PAPPA2: variants seen among roughly 807,000 people sequenced by gnomAD.
PAPPA2 encodes pappalysin 2, also known as pappalysin-2.
In PAPPA2, 86 loss-of-function variants were observed where a neutral mutation model predicts 176.4. That is an observed-to-expected ratio of 0.49 (90% CI 0.41 to 0.58). The LOEUF (loss-of-function observed/expected upper bound fraction) is 0.58, where lower values mean the gene tolerates loss of function less well. Among genes scored for constraint, PAPPA2 ranks in the 20% least tolerant of loss-of-function variants. The pLI is 0.00. For missense variants in PAPPA2, 2,073 were observed against 2,256.9 expected (o/e 0.92, Z 1.65); for synonymous variants, 809 against 852.2 (o/e 0.95, Z 0.88).
intron 2 of PAPPA2, among the ~76,000 whole-genome samples, chr1:176,569,055 T>C (rs1274210641): frequency 6.6e-6 from 1 of 152,210 alleles, no homozygotes; most frequent in Non-Finnish European, 1.5e-5. Context: ...TGCATACTCA[T>C]GTGTACACAT....
intron 2 of PAPPA2, among the ~76,000 whole-genome samples, chr1:176,577,717 C>T (rs978132103): frequency 4.6e-5 from 7 of 151,828 alleles, no homozygotes; most frequent in Admixed American, 3.3e-4. Context: ...TCTGGGGGGT[C>T]GGGGTGTTGG....
intron 14 of PAPPA2, among the ~76,000 whole-genome samples, chr1:176,742,949 ACT>A (rs1276001090): frequency 6.6e-6 from 1 of 152,096 alleles, no homozygotes; most frequent in East Asian, 1.9e-4. Flanking sequence ...CTCCTGCAAC[ACT>A]ACACTTTAAA....
intron 12 of PAPPA2, among the ~76,000 whole-genome samples, chr1:176,716,602 C>CT (rs71299410): frequency 0.031 from 3,549 of 114,808 alleles, 136 homozygotes; most frequent in African/African-American, 0.081. Context: ...TTCCTTCCTT[C>CT]TTTTTTTTTT....
chr1:176,755,386 C>G (rs1558563409), intron 14 of PAPPA2, among the ~76,000 whole-genome samples: 2 of 152,294 alleles, frequency 1.3e-5, no homozygotes, highest in Middle Eastern at 3.4e-3. Flanking sequence ...CCAGGCTACC[C>G]TGTCTTCATG....
chr1:176,676,188 A>G (rs1429810273), intron 4 of PAPPA2, among the ~76,000 whole-genome samples: 1 of 152,068 alleles, frequency 6.6e-6, no homozygotes, highest in Non-Finnish European at 1.5e-5. Context: ...ATAAAACTAA[A>G]CATACACTTG....
chr1:176,600,879 T>G (rs1654282637), intron 3 of PAPPA2, among the ~76,000 whole-genome samples: 1 of 152,110 alleles, frequency 6.6e-6, no homozygotes, highest in South Asian at 2.1e-4. Flanking sequence ...GACCTACAAA[T>G]AGATCACTAA....
intron 21 of PAPPA2, among the ~76,000 whole-genome samples, chr1:176,801,950 G>A (rs1665701029): frequency 6.6e-6 from 1 of 152,110 alleles, no homozygotes; most frequent in South Asian, 2.1e-4. Context: ...AAAGCTCCAT[G>A]TCTCCTCTGC....
At position 176,690,461 on chromosome 1, in the gene PAPPA2, T is replaced by C. The variant is rs1208023230; in HGVS notation, c.2431+31T>C. On this transcript the variant is annotated intron_variant, in intron 5 of 22. Coordinates refer to ENST00000367662, the MANE Select transcript of PAPPA2 (RefSeq NM_020318.3). ...ACCACTGTCTTGTTTTGTTTTCTGT[T>C]AAGAATACATGGGGGCCTTTGAGAG... is the stretch of plus-strand genomic sequence containing the variant. 3.1e-6 allele frequency: 5 copies of C among 1,602,200 alleles called. No individual in the cohort carries two copies. In the South Asian group the frequency reaches 5.5e-5, roughly 18 times the overall value.
In PAPPA2 at chr1:176,595,547, A is replaced by C; in HGVS notation, c.1943A>C (p.Gln648Pro). 1.9e-6 allele frequency: 3 copies of C among 1,614,088 alleles called. No homozygotes were observed. Among genetic ancestry groups the C allele is most frequent in the Non-Finnish European group, 2.5e-6 (3 of 1,180,004 alleles). ...DFDDGDCCDP[Q>P]VADVRKTCFD... is the part of the protein sequence containing the mutation. The stretch of plus-strand genomic sequence containing the variant: ...GACGACGGAGACTGCTGCGACCCCC[A>C]GGTGGCTGATGTGCGCAAGACCTGC... Residue 648 changes from glutamine to proline, a missense_variant, in exon 3 of 23, where the codon CAG (glutamine) becomes CCG (proline). Around this residue, in one of 4 missense-constraint regions of PAPPA2, gnomAD observed 1,196 missense variants for 1,330.4 expected, o/e 0.90. Coordinates refer to ENST00000367662, the MANE Select transcript of PAPPA2 (RefSeq NM_020318.3).
intron 3 of PAPPA2, among the ~76,000 whole-genome samples, chr1:176,606,007 A>G (rs565707196): frequency 1.3e-5 from 2 of 152,102 alleles, no homozygotes; most frequent in African/African-American, 4.8e-5. Flanking sequence ...TTCAAACTCA[A>G]ATATGCTAGG....
intron 1 of PAPPA2, among the ~76,000 whole-genome samples, chr1:176,521,317 A>G (rs1649205245): frequency 6.6e-6 from 1 of 152,104 alleles, no homozygotes; most frequent in South Asian, 2.1e-4. Context: ...TTCTGCTTTC[A>G]CCTTTCATGG....
At chr1:176,618,205 T>G (rs1655381601) in intron 3 of PAPPA2, among the ~76,000 whole-genome samples, 1 of 152,192 alleles carries the variant, frequency 6.6e-6, no homozygotes, top group African/African-American at 2.4e-5. Flanking sequence ...ATTTTTATAT[T>G]AAGCTAAACC....
intron 17 of PAPPA2, among the ~76,000 whole-genome samples, chr1:176,786,731 G>T (rs1174106547): frequency 2.6e-5 from 4 of 152,190 alleles, no homozygotes; most frequent in African/African-American, 4.8e-5. Flanking sequence ...CATCCTGCCT[G>T]CAGGGTTTAC....
Position 176,765,674 on chromosome 1 carries a change from A to G in PAPPA2, c.4160A>G (p.His1387Arg), listed in dbSNP as rs1185349758. Reference sequence around the variant, plus strand: ...TATTTCTCTTATCCCAGCTGTATCCATCGGCCCTGTGGGAAGCAGGACAGC... The same window carrying G: ...TATTTCTCTTATCCCAGCTGTATCCGTCGGCCCTGTGGGAAGCAGGACAGC... ...GQNHQGQSCI[H>R]RPCGKQDSCP... The change falls in exon 15 of 23, where the codon CAT becomes CGT. Residue 1387 changes from histidine to arginine, a missense_variant. By Grantham distance (29) the His-to-Arg change is conservative. Coordinates refer to ENST00000367662, the MANE Select transcript of PAPPA2 (RefSeq NM_020318.3). The G allele has an allele frequency of 1.2e-6, 2 of 1,613,946 alleles. No homozygotes were observed. Among genetic ancestry groups the G allele is most frequent in the Non-Finnish European group, 1.7e-6 (2 of 1,179,930 alleles).
At chr1:176,481,632 G>A (rs1652408257) in intron 1 of PAPPA2, among the ~76,000 whole-genome samples, 1 of 152,160 alleles carries the variant, frequency 6.6e-6, no homozygotes, top group African/African-American at 2.4e-5. Flanking sequence ...AGCATTTGGG[G>A]CTAAGATAAA....
intron 1 of PAPPA2, among the ~76,000 whole-genome samples, chr1:176,545,577 G>A (rs1485927430): frequency 6.6e-6 from 1 of 151,986 alleles, no homozygotes; most frequent in African/African-American, 2.4e-5. Context: ...AAGTAATCTG[G>A]AGATGATTTA....
chr1:176,487,867 C>G (rs1369744863), intron 1 of PAPPA2, among the ~76,000 whole-genome samples: 1 of 152,106 alleles, frequency 6.6e-6, no homozygotes, highest in Non-Finnish European at 1.5e-5. Context: ...CTGATAGTAT[C>G]CAGTCTCTCA....
chr1:176,641,924 C>T (rs1165793347), intron 3 of PAPPA2, among the ~76,000 whole-genome samples: 1 of 151,894 alleles, frequency 6.6e-6, no homozygotes, highest in Non-Finnish European at 1.5e-5. Context: ...TACAATTTTG[C>T]ATCAAAGCCA....
At chr1:176,710,355 T>A (rs139804954) in intron 11 of PAPPA2, among the ~76,000 whole-genome samples, 179 bp downstream of exon 11, 47 of 152,264 alleles carry the variant, frequency 3.1e-4, no homozygotes, top group African/African-American at 1.0e-3. Flanking sequence ...GTTGGACAAG[T>A]CACTTAACCT....
Sources: allele counts gnomAD v4.1 joint callset (sites outside exome capture counted in the v4.1 genomes callset), GRCh38; gene constraint gnomAD v4.1.1; regional missense constraint gnomAD v4.1.1; transcripts MANE v1.5; gene names NCBI Gene and HGNC (gene_info 2026-07-23, HGNC 2026-07-21).